SLC35F3: variants seen among roughly 807,000 people sequenced by gnomAD.
SLC35F3 encodes putative thiamine transporter SLC35F3.
In SLC35F3, 25 loss-of-function variants were observed where a neutral mutation model predicts 49.9. That is an observed-to-expected ratio of 0.50 (90% CI 0.37 to 0.70). The LOEUF is 0.70. Ranked by LOEUF, SLC35F3 falls within the 30% of genes least tolerant of loss-of-function variation. SLC35F3 has a pLI of 0.00. For synonymous variants in SLC35F3, 275 were observed against 265.4 expected, an observed-to-expected ratio of 1.04 and a Z score of -0.35; for missense variants, 525 against 639.8, an observed-to-expected ratio of 0.82 and a Z score of 1.94.
At chr1:234,133,260 A>G (rs1262200012) in intron 2 of SLC35F3, among the ~76,000 whole-genome samples, 2 of 152,230 alleles carry the variant, frequency 1.3e-5, no homozygotes, top group Non-Finnish European at 2.9e-5. Flanking sequence ...AAGAATAATT[A>G]TCCTCAAGAT....
chr1:234,113,235 C>T (rs951536744), intron 2 of SLC35F3, among the ~76,000 whole-genome samples: 1 of 152,190 alleles, frequency 6.6e-6, no homozygotes, highest in Non-Finnish European at 1.5e-5. Flanking sequence ...TCAAAGTAAG[C>T]CCTTGGCCTT....
At chr1:234,290,265 CAAAAT>C (rs1558099761) in intron 3 of SLC35F3, among the ~76,000 whole-genome samples, 2 of 151,174 alleles carry the variant, frequency 1.3e-5, no homozygotes, top group African/African-American at 4.9e-5. Flanking sequence ...GCTTCAGAAG[CAAAAT>C]GAAGAAAATG....
intron 2 of SLC35F3, among the ~76,000 whole-genome samples, chr1:233,975,957 G>C (rs1237582114): frequency 1.3e-5 from 2 of 152,198 alleles, no homozygotes; most frequent in Non-Finnish European, 2.9e-5. Context: ...GCGTGAGTTA[G>C]AGATGGCATA....
At chr1:234,268,094 C>G (rs1254138860) in intron 3 of SLC35F3, among the ~76,000 whole-genome samples, 8 of 152,078 alleles carry the variant, frequency 5.3e-5, no homozygotes, top group Non-Finnish European at 1.0e-4. Context: ...TTTGGGAGGC[C>G]AAGGCAGGCG....
rs185508450 is a variant in SLC35F3, at chr1:234,252,658, A to G, written c.608+20917A>G. Among the ~76,000 whole-genome samples, 268 of 152,358 alleles carry G rather than the reference A, an allele frequency of 1.8e-3. 1 individual carries two copies. Among genetic ancestry groups the G allele is most frequent in the African/African-American group, 6.1e-3 (254 of 41,586 alleles). On this transcript the variant is annotated intron_variant, in intron 3 of 7. Coordinates refer to ENST00000366618, the MANE Select transcript of SLC35F3 (RefSeq NM_173508.4). Reference sequence around the variant, plus strand: ...CACTCTTACGAGAGAAATGTGAATTAAAACATATTTTTATCTGTCAAATTA... The same window carrying G: ...CACTCTTACGAGAGAAATGTGAATTGAAACATATTTTTATCTGTCAAATTA...
At chr1:234,228,044 G>C (rs879730984) in intron 2 of SLC35F3, among the ~76,000 whole-genome samples, 2 of 152,194 alleles carry the variant, frequency 1.3e-5, no homozygotes, top group Non-Finnish European at 2.9e-5. Flanking sequence ...TATGGATGTT[G>C]TGGCTTGCAC....
At position 234,049,287 on chromosome 1, in the gene SLC35F3, A is replaced by G. The variant is rs112605404; in HGVS notation, c.283+143529A>G. Among the ~76,000 whole-genome samples, 254 of 152,232 alleles carry G rather than the reference A, an allele frequency of 1.7e-3. 1 individual carries two copies. The highest frequency in any genetic ancestry group is 6.8e-3 in the Middle Eastern group (2 of 294). ...TGTAATAAGAGTGCTGCCCTGATCCAATAGGATTAGTGGCCTTTAAAGAAG... is the reference window on the plus strand; with the variant it reads ...TGTAATAAGAGTGCTGCCCTGATCCGATAGGATTAGTGGCCTTTAAAGAAG... On this transcript the variant is annotated intron_variant, in intron 2 of 7. Coordinates refer to ENST00000366618, the MANE Select transcript of SLC35F3 (RefSeq NM_173508.4).
chr1:234,108,663 A>G (rs1430342170), intron 2 of SLC35F3, among the ~76,000 whole-genome samples: 1 of 98,914 alleles, frequency 1.0e-5, no homozygotes, highest in Non-Finnish European at 2.0e-5. Flanking sequence ...ATATTTATAT[A>G]TATAAAAGAT....
intron 3 of SLC35F3, among the ~76,000 whole-genome samples, chr1:234,271,276 C>T (rs572927950): frequency 2.6e-5 from 4 of 152,080 alleles, no homozygotes; most frequent in East Asian, 1.9e-4. Context: ...CATGAGGGTC[C>T]GAGAAGGCAC....
Position 233,936,196 on chromosome 1 carries a change from G to GC in SLC35F3, c.283+30445dup, listed in dbSNP as rs776395715. ...AGATCATTCCTTTTCAGTAGCCATG[G>GC]CCCCCCCAGGGTTGCAGGTTAGCCT... On this transcript the variant is annotated intron_variant, in intron 2 of 7. Coordinates refer to ENST00000366618, the MANE Select transcript of SLC35F3 (RefSeq NM_173508.4). 3.3e-5 allele frequency among the ~76,000 whole-genome samples: 5 copies of GC among 152,054 alleles called. No individual in the cohort carries two copies. In the South Asian group the frequency reaches 6.3e-4, roughly 19 times the overall value.
chr1:234,252,344 A>C (rs1375001739), intron 3 of SLC35F3, among the ~76,000 whole-genome samples: 11 of 152,350 alleles, frequency 7.2e-5, no homozygotes, highest in South Asian at 2.1e-4. Context: ...TGCTGGGATT[A>C]TAGGCGTGAG....
At chr1:234,321,989 T>C (rs901716582) in intron 7 of SLC35F3, among the ~76,000 whole-genome samples, 1 of 151,976 alleles carries the variant, frequency 6.6e-6, no homozygotes, top group African/African-American at 2.4e-5. Context: ...TAGACCAGCC[T>C]GAGCAACATG....
chr1:234,099,684 A>AACAC (rs905382086), intron 2 of SLC35F3, among the ~76,000 whole-genome samples: 2 of 152,110 alleles, frequency 1.3e-5, no homozygotes, highest in African/African-American at 4.8e-5. Flanking sequence ...AATACAAGAG[A>AACAC]ACACAGAGTT....
At position 234,320,070 on chromosome 1, in the gene SLC35F3, C is replaced by A; in HGVS notation, c.1148-28C>A. 1 of 1,496,832 alleles carries A rather than the reference C, an allele frequency of 6.7e-7. No homozygotes were observed. The highest frequency in any genetic ancestry group is 9.3e-7 in the Non-Finnish European group (1 of 1,073,010). The allele number at this position is 1,496,832 out of a possible 1,614,324, so 92.7% of individuals were successfully genotyped here. ...TAAAGTACACAGCAGTCATGAATAA[C>A]ACTCGTTGTTTACATTCTTTATTTC... On this transcript the variant is annotated intron_variant, in intron 6 of 7. Coordinates refer to ENST00000366618, the MANE Select transcript of SLC35F3 (RefSeq NM_173508.4). The surrounding 1 kb of genome is among the most constrained non-coding windows in gnomAD (Gnocchi z 4.8).
chr1:234,094,549 A>C lies in SLC35F3; in HGVS notation c.284-136868A>C, dbSNP rs140854542. On this transcript the variant is annotated intron_variant, in intron 2 of 7. Coordinates refer to ENST00000366618, the MANE Select transcript of SLC35F3 (RefSeq NM_173508.4). ...GTAAATCTTTTAGTTAGTGGTGTCCATGGAAACAGCATGTGATTGATGGGC... is the reference window on the plus strand; with the variant it reads ...GTAAATCTTTTAGTTAGTGGTGTCCCTGGAAACAGCATGTGATTGATGGGC... 2.0e-4 allele frequency among the ~76,000 whole-genome samples: 31 copies of C among 152,302 alleles called. 1 individual carries two copies. The East Asian group carries it at 6.0e-3, about 29-fold the overall frequency.
At position 234,320,144 on chromosome 1, in the gene SLC35F3, T is replaced by A; in HGVS notation, c.1194T>A (p.Thr398=). The A allele has an allele frequency of 6.2e-7, 1 of 1,613,996 alleles. No homozygotes were observed. Among genetic ancestry groups the A allele is most frequent in the Non-Finnish European group, 8.5e-7 (1 of 1,179,870 alleles). The change falls in exon 7 of 8, where the codon ACT becomes ACA. Residue 398 remains threonine (T), a synonymous_variant. Coordinates refer to ENST00000366618, the MANE Select transcript of SLC35F3 (RefSeq NM_173508.4). The surrounding 1 kb of genome is among the most constrained non-coding windows in gnomAD (Gnocchi z 4.8). The part of the protein sequence containing the change: ...LNFGIAVTYP[T]LMSLGIVLSI... ...TTGGAATTGCCGTTACATATCCCAC[T>A]CTGATGTCTCTTGGAATCGTCCTCA...
intron 3 of SLC35F3, among the ~76,000 whole-genome samples, chr1:234,291,658 G>A (rs1430295362): frequency 1.6e-4 from 24 of 152,030 alleles, no homozygotes; most frequent in Admixed American, 1.5e-3. Flanking sequence ...CGAACTCCTG[G>A]GCTCAAGTGA....
chr1:234,139,953 A>ATAAAATAAAATAAAATTAAATTAAAT, intron 2 of SLC35F3, among the ~76,000 whole-genome samples: 1 of 117,680 alleles, frequency 8.5e-6, no homozygotes, highest in African/African-American at 3.6e-5. Flanking sequence ...TCTCAAAATA[A>ATAAAATAAAATAAAATTAAATTAAAT]TAAAATAAAA....
chr1:234,081,079 A>G (rs1461270402), intron 2 of SLC35F3, among the ~76,000 whole-genome samples: 1 of 152,180 alleles, frequency 6.6e-6, no homozygotes, highest in Non-Finnish European at 1.5e-5. Context: ...CTACTGCCAT[A>G]TATTCAATAA....
Sources: gnomAD v4.1 joint callset for allele counts (sites outside exome capture counted in the v4.1 genomes callset) on GRCh38, gnomAD v4.1.1 for gene constraint, Gnocchi (gnomAD v3.1) non-coding constraint, MANE v1.5 for transcripts, NCBI Gene and HGNC (gene_info 2026-07-23, HGNC 2026-07-21) for gene names.